The following PRDM16 variants were observed in gnomAD, a reference collection of about 807,000 sequenced individuals.
The protein encoded by PRDM16 is PR/SET domain 16.
A neutral mutation model predicts 110.6 loss-of-function variants in PRDM16; 23 were observed. The ratio of observed to expected loss-of-function variants is 0.21; its 90% confidence interval spans 0.15 to 0.29. The LOEUF is 0.29. PRDM16 is among the 10% of genes least tolerant of loss of function. PRDM16 has a pLI of 1.00. For missense variants in PRDM16, 1,615 were observed against 1,794.3 expected (o/e 0.90, Z 1.81); for synonymous variants, 799 against 781.8 (o/e 1.02, Z -0.37).
In PRDM16 at chr1:3,426,153, C is replaced by T. The variant is rs751178142; in HGVS notation, c.3212C>T (p.Ser1071Phe). ...GCACTTTTAGACGAGAAAGAAGACT[C>T]TTATTTCTCGGAAATCAGAAACTTT... ...NHALLDEKED[S>F]YFSEIRNFIA... The change falls in exon 14 of 17, where the codon TCT becomes TTT. Residue 1071 changes from serine (S) to phenylalanine (F), a missense_variant. By Grantham distance (155) the Ser-to-Phe change is radical (BLOSUM62 -2). Coordinates refer to ENST00000270722, the MANE Select transcript of PRDM16 (RefSeq NM_022114.4). 3.1e-6 allele frequency: 5 copies of T among 1,613,838 alleles called. No homozygotes were observed. In the East Asian group the frequency reaches 6.7e-5, roughly 22 times the overall value.
At chr1:3,084,204 C>T (rs1256176562) in intron 1 of PRDM16, among the ~76,000 whole-genome samples, 1 of 152,170 alleles carries the variant, frequency 6.6e-6, no homozygotes, top group Non-Finnish European at 1.5e-5. Context: ...CCTGGCGGGC[C>T]CTGGGGCGTC....
rs1038018305 is a variant in PRDM16 at position 3,435,598 on chromosome 1, A to T, written c.*1787A>T. The T allele has an allele frequency of 1.6e-5, 3 of 192,612 alleles. No individual in the cohort carries two copies. The highest frequency in any genetic ancestry group is 5.6e-5 in the African/African-American group (2 of 35,884). 11.9% of individuals were successfully genotyped at this position (192,612 alleles called of 1,614,324 possible). ...AAAAAAAATGCCCAAGTTGCCCTTT[A>T]AAAAAAAAGAGCGTAAATACAAACA... On this transcript the variant is annotated 3_prime_UTR_variant, in exon 17 of 17. Transcript: ENST00000270722.
chr1:3,314,906 C>T (rs1022731247), intron 3 of PRDM16, among the ~76,000 whole-genome samples: 1 of 152,138 alleles, frequency 6.6e-6, no homozygotes, highest in Non-Finnish European at 1.5e-5. Context: ...CAAATGTCTT[C>T]ATAGCCCATT....
intron 1 of PRDM16, among the ~76,000 whole-genome samples, chr1:3,180,995 C>T (rs1644150456): frequency 6.9e-6 from 1 of 144,226 alleles, no homozygotes; most frequent in Non-Finnish European, 1.6e-5. Context: ...GTCTTACACA[C>T]GATCTTACAC....
chr1:3,071,680 C>T (rs930416191), intron 1 of PRDM16, among the ~76,000 whole-genome samples: 1 of 152,236 alleles, frequency 6.6e-6, no homozygotes, highest in Non-Finnish European at 1.5e-5. Flanking sequence ...GGCGGTAGGG[C>T]CAGCACTCCA....
intron 1 of PRDM16, among the ~76,000 whole-genome samples, chr1:3,086,636 C>T (rs1642158896): frequency 2.0e-5 from 3 of 152,290 alleles, no homozygotes; most frequent in Admixed American, 2.0e-4. Flanking sequence ...CCCCCAGCTG[C>T]AGCAGCCAGA....
intron 14 of PRDM16, 142 bp downstream of exon 14, chr1:3,426,367 G>T: frequency 1.6e-6 from 1 of 617,576 alleles, no homozygotes; most frequent in Non-Finnish European, 2.7e-6. Flanking sequence ...ACCACAGAGG[G>T]TGAGGCCCCT....
In PRDM16 at chr1:3,350,797, T is replaced by C. The variant is rs1277918917; in HGVS notation, c.439-34355T>C. 5.9e-5 allele frequency among the ~76,000 whole-genome samples: 9 copies of C among 152,128 alleles called. No individual in the cohort carries two copies. The highest frequency in any genetic ancestry group is 5.9e-4 in the Admixed American group (9 of 15,286). ...ATGCCGCGTCCAGTGTTTTCCTCTTTCTGGGCCTCAAACTCTTTTTTGAGG... is the reference window on the plus strand; with the variant it reads ...ATGCCGCGTCCAGTGTTTTCCTCTTCCTGGGCCTCAAACTCTTTTTTGAGG... On this transcript the variant is annotated intron_variant, in intron 3 of 16. Coordinates refer to ENST00000270722, the MANE Select transcript of PRDM16 (RefSeq NM_022114.4). This position sits in a 1 kb window ranked among gnomAD's most constrained non-coding sequence, Gnocchi z 7.1.
At chr1:3,373,164 AC>A (rs1642933929) in intron 3 of PRDM16, among the ~76,000 whole-genome samples, 1 of 152,104 alleles carries the variant, frequency 6.6e-6, no homozygotes, top group Admixed American at 6.5e-5. Flanking sequence ...TCTTGGGAGC[AC>A]GGGGGTTAGG....
intron 14 of PRDM16, among the ~76,000 whole-genome samples, chr1:3,426,844 A>G (rs1378968482): frequency 6.6e-6 from 1 of 152,208 alleles, no homozygotes; most frequent in African/African-American, 2.4e-5. Context: ...GCCTGGGGAC[A>G]GGGCTGTGGT....
In PRDM16 at chr1:3,294,462, C is replaced by T. The variant is rs540268284; in HGVS notation, c.438+50325C>T. ...TGAGGTAGGGAGGGGCCCCAAGAGCCTCTGACTTCCCCCCAGATCACCAGG... is the reference window on the plus strand; with the variant it reads ...TGAGGTAGGGAGGGGCCCCAAGAGCTTCTGACTTCCCCCCAGATCACCAGG... On this transcript the variant is annotated intron_variant, in intron 3 of 16. Transcript: ENST00000270722. 2.6e-5 allele frequency among the ~76,000 whole-genome samples: 4 copies of T among 152,196 alleles called. No individual in the cohort carries two copies. In the East Asian group the frequency reaches 5.8e-4, roughly 22 times the overall value.
rs1323186570 is a variant in PRDM16, at chr1:3,081,759, C to T, written c.37+12463C>T. Among the ~76,000 whole-genome samples the T allele has an allele frequency of 1.3e-5, 2 of 152,056 alleles. No individual in the cohort carries two copies. Among genetic ancestry groups the T allele is most frequent in the Non-Finnish European group, 2.9e-5 (2 of 68,000 alleles). On this transcript the variant is annotated intron_variant, in intron 1 of 16. Coordinates refer to ENST00000270722, the MANE Select transcript of PRDM16 (RefSeq NM_022114.4). This position sits in a 1 kb window ranked among gnomAD's most constrained non-coding sequence, Gnocchi z 4.6. ...CTGGCCACAGGGCACGTGGGAGGCC[C>T]CCATGGAAGGCCCGTGTTGGGGGAC...
chr1:3,366,742 TCTCTA>T (rs1473073049), intron 3 of PRDM16, among the ~76,000 whole-genome samples: 1 of 152,150 alleles, frequency 6.6e-6, no homozygotes, highest in Non-Finnish European at 1.5e-5. Flanking sequence ...TCGTGAAAGA[TCTCTA>T]CTCTAGGTCA....
chr1:3,312,886 G>A (rs555091142), intron 3 of PRDM16, among the ~76,000 whole-genome samples: 21 of 152,200 alleles, frequency 1.4e-4, no homozygotes, highest in Non-Finnish European at 2.5e-4. Flanking sequence ...AAACACACAC[G>A]TGTGGACAGA....
intron 3 of PRDM16, among the ~76,000 whole-genome samples, chr1:3,363,189 C>T (rs938846936): frequency 2.0e-5 from 3 of 152,132 alleles, no homozygotes; most frequent in East Asian, 1.9e-4. Context: ...GGCTGCTGTC[C>T]GCTCCTGACT....
At chr1:3,176,365 A>G (rs1023254362) in intron 1 of PRDM16, among the ~76,000 whole-genome samples, 21 of 128,398 alleles carry the variant, frequency 1.6e-4, no homozygotes, top group Non-Finnish European at 2.6e-4. Flanking sequence ...TCCTGGAGGC[A>G]TTCACACCTT....
chr1:3,116,140 G>A (rs1251077156), intron 1 of PRDM16, among the ~76,000 whole-genome samples: 2 of 152,192 alleles, frequency 1.3e-5, no homozygotes, highest in African/African-American at 2.4e-5. Context: ...CCTAGCGTGG[G>A]TGGTCATCTC....
intron 2 of PRDM16, among the ~76,000 whole-genome samples, chr1:3,238,704 C>T (rs909737851): frequency 1.3e-5 from 2 of 152,200 alleles, no homozygotes; most frequent in African/African-American, 4.8e-5. Flanking sequence ...CCGGAGGGAG[C>T]TTGGCCGTGG....
intron 3 of PRDM16, among the ~76,000 whole-genome samples, chr1:3,277,633 G>A (rs1640615022): frequency 6.6e-6 from 1 of 152,220 alleles, no homozygotes; most frequent in Non-Finnish European, 1.5e-5. Context: ...CTCAAAGGTC[G>A]GGGACTGGGC....
Sources: allele counts gnomAD v4.1 joint callset (sites outside exome capture counted in the v4.1 genomes callset), GRCh38; gene constraint gnomAD v4.1.1; non-coding constraint Gnocchi (gnomAD v3.1); transcripts MANE v1.5; gene names NCBI Gene and HGNC (gene_info 2026-07-23, HGNC 2026-07-21).